Variants in MRPS30 observed in about 807,000 individuals in gnomAD.
MRPS30 encodes mitochondrial ribosomal protein S30, also known as large ribosomal subunit protein mL65.
MRPS30 carries 42 observed loss-of-function variants against 43.8 expected under a neutral mutation model. The observed-to-expected ratio is 0.96, with a 90% confidence interval of 0.75 to 1.24. MRPS30 has a LOEUF of 1.24. Ranked by LOEUF, MRPS30 falls within the 50% of genes most tolerant of loss-of-function variation. The probability of loss-of-function intolerance (pLI) is 0.00; values close to 1 mark genes in which losing one functional copy is unlikely to be tolerated. For synonymous variants in MRPS30, 273 were observed against 228.2 expected, an observed-to-expected ratio of 1.20 and a Z score of -1.77; for missense variants, 638 against 570.0, an observed-to-expected ratio of 1.12 and a Z score of -1.22.
chr5:44,811,077 G>T lies in MRPS30; in HGVS notation c.670G>T (p.Gly224Cys). The T allele has an allele frequency of 6.2e-7, 1 of 1,614,052 alleles. No individual in the cohort carries two copies. The highest frequency in any genetic ancestry group is 1.3e-5 in the African/African-American group (1 of 75,040). ...AATTATTCCTCGTGGTCATCGAAGA[G>T]GTCGAATTGATGACTTGCGATACCA... ...EEIIPRGHRR[G>C]RIDDLRYQID... The change falls in exon 2 of 5, where the codon GGT becomes TGT. Residue 224 changes from glycine to cysteine, a missense_variant. By Grantham distance (159) the Gly-to-Cys change is radical. Coordinates refer to ENST00000507110, the MANE Select transcript of MRPS30 (RefSeq NM_016640.4).
intron 4 of MRPS30, 151 bp from the exon 5 acceptor site, chr5:44,814,762 T>C: frequency 1.5e-6 from 1 of 676,944 alleles, no homozygotes; most frequent in Non-Finnish European, 2.5e-6. Flanking sequence ...AGAATAGAGA[T>C]GATAAGGAAA....
In MRPS30 at chr5:44,813,274, T is replaced by C; in HGVS notation, c.1022T>C (p.Met341Thr). Residue 341 changes from methionine (M) to threonine (T), a missense_variant, in exon 4 of 5, where the codon ATG (methionine) becomes ACG (threonine). Met to Thr is a moderately conservative substitution (Grantham distance 81). Coordinates refer to ENST00000507110, the MANE Select transcript of MRPS30 (RefSeq NM_016640.4). ...SLFAWTGAQA[M>T]YQGFWSEADV... ...TTTGCTTGGACTGGAGCACAAGCTA[T>C]GTATCAAGGTAAAAATTAATTTTAT... The C allele has an allele frequency of 6.3e-7, 1 of 1,577,610 alleles. No homozygotes were observed. The highest frequency in any genetic ancestry group is 8.6e-7 in the Non-Finnish European group (1 of 1,166,364).
At position 44,811,131 on chromosome 5, in the gene MRPS30, C is replaced by T. The variant is rs201364888; in HGVS notation, c.724C>T (p.Arg242Ter). ...AGATGATAAACCAAACAACCAGATT[C>T]GAATATCCAAGCAACTCGCAGAGGT... Reference protein sequence around the residue: ...QIDDKPNNQIRISKQLAEFVP... With the variant: ...QIDDKPNNQI Residue 242 changes from arginine (R) to a stop codon, truncating the protein, a stop_gained, in exon 2 of 5, where the codon CGA becomes TGA. Transcript: ENST00000507110. LOFTEE classifies it high-confidence loss of function. 1.3e-5 allele frequency: 21 copies of T among 1,613,698 alleles called. No homozygotes were observed. The highest frequency in any genetic ancestry group is 1.6e-5 in the Non-Finnish European group (19 of 1,179,904).
rs1742903052 is a variant in MRPS30, at chr5:44,815,310, A to G, written c.*108A>G. The G allele has an allele frequency of 5.9e-6, 6 of 1,009,424 alleles. No homozygotes were observed. The highest frequency in any genetic ancestry group is 3.3e-4 in the Middle Eastern group (1 of 3,052). The allele number at this position is 1,009,424 out of a possible 1,614,324, so 62.5% of individuals were successfully genotyped here. On this transcript the variant is annotated 3_prime_UTR_variant, in exon 5 of 5. Transcript: ENST00000507110. ...ATTAAATACATTGATTTTTGAGACAAATATTTCTTATGTCAACCTGTTATT... is the reference window on the plus strand; with the variant it reads ...ATTAAATACATTGATTTTTGAGACAGATATTTCTTATGTCAACCTGTTATT...
intron 3 of MRPS30, 52 bp from the exon 4 acceptor site, chr5:44,813,054 C>A (rs1385063920): frequency 6.4e-7 from 1 of 1,558,420 alleles, no homozygotes; most frequent in Admixed American, 1.9e-5. Flanking sequence ...ACATGTGCTC[C>A]ACATGTTCTA....
rs1281171730 is a variant in MRPS30 at position 44,809,449 on chromosome 5, G to A, written c.487G>A (p.Val163Met). Residue 163 changes from valine to methionine, a missense_variant, in exon 1 of 5, where the codon GTG (valine) becomes ATG (methionine). Transcript: ENST00000507110. ...EHFYLRRRRR[V>M]HRYEESEVIS... ...CTTCTACCTGCGGCGCAGGCGGCGC[G>A]TGCACCGTTACGAGGAGAGCGAGGT... is the stretch of plus-strand genomic sequence containing the variant. 2 of 1,613,844 alleles carry A rather than the reference G, an allele frequency of 1.2e-6. No homozygotes were observed. Among genetic ancestry groups the A allele is most frequent in the South Asian group, 2.2e-5 (2 of 91,082 alleles).
chr5:44,809,017 C>T lies in MRPS30; in HGVS notation c.55C>T (p.His19Tyr). 6.2e-7 allele frequency: 1 copy of T among 1,609,716 alleles called. No homozygotes were observed. Among genetic ancestry groups the T allele is most frequent in the Non-Finnish European group, 8.5e-7 (1 of 1,178,672 alleles). Reference protein sequence around the residue: ...PLLRGPRLSLHTAANAAATAT... With the variant: ...PLLRGPRLSLYTAANAAATAT... ...GCTACGCGGTCCGAGGCTTTCATTG[C>T]ACACCGCGGCTAATGCCGCCGCCAC... Residue 19 changes from histidine to tyrosine, a missense_variant, in exon 1 of 5, where the codon CAC (histidine) becomes TAC (tyrosine). His to Tyr is a moderately conservative substitution (Grantham distance 83). Transcript: ENST00000507110.
chr5:44,810,630 C>T (rs1317696803), intron 1 of MRPS30, among the ~76,000 whole-genome samples: 2 of 152,048 alleles, frequency 1.3e-5, no homozygotes, highest in East Asian at 3.9e-4. Flanking sequence ...TTGTCAAGAC[C>T]CAGGTTCTTC....
intron 4 of MRPS30, among the ~76,000 whole-genome samples, chr5:44,813,869 A>G (rs113034647): frequency 0.019 from 2,861 of 152,286 alleles, 99 homozygotes; most frequent in African/African-American, 0.065. Flanking sequence ...AAAATACTTT[A>G]GCCTAAAGAG....
rs35601455 is a variant in MRPS30, at chr5:44,809,267, C to T, written c.305C>T (p.Ala102Val). Residue 102 changes from alanine (A) to valine (V), a missense_variant, in exon 1 of 5, where the codon GCC becomes GTC. Transcript: ENST00000507110. Reference protein sequence around the residue: ...MVYPQTFALNADRWYQYFTKT... With the variant: ...MVYPQTFALNVDRWYQYFTKT... ...TACCCGCAGACCTTCGCGCTGAATG[C>T]CGACCGCTGGTACCAGTACTTCACC... is the stretch of plus-strand genomic sequence containing the variant. The T allele has an allele frequency of 0.012, 18,619 of 1,613,376 alleles. 150 individuals are homozygous for T. Among genetic ancestry groups the T allele is most frequent in the South Asian group, 0.014 (1,247 of 91,054 alleles).
At chr5:44,809,626 C>A in intron 1 of MRPS30, 63 bp downstream of exon 1, 1 of 1,443,180 alleles carries the variant, frequency 6.9e-7, no homozygotes, top group Non-Finnish European at 9.4e-7. Flanking sequence ...GGTTACTCTG[C>A]CGCAGATTTA....
intron 3 of MRPS30, among the ~76,000 whole-genome samples, chr5:44,812,389 T>C (rs1742858342): frequency 6.6e-6 from 1 of 152,186 alleles, no homozygotes; most frequent in Non-Finnish European, 1.5e-5. Context: ...GGTGGTAAGA[T>C]AAGGAATTCA....
In MRPS30 at chr5:44,811,907, T is replaced by A. The variant is rs1742845418; in HGVS notation, c.748-8T>A. On this transcript the variant is annotated splice_region_variant and splice_polypyrimidine_tract_variant and intron_variant, in intron 2 of 4. Coordinates refer to ENST00000507110, the MANE Select transcript of MRPS30 (RefSeq NM_016640.4). ...GTGAATTTAGTATGTCTTTTCTTTT[T>A]CTTTAAGTTTGTGCCATTGGATTAT... 1 of 1,485,544 alleles carries A rather than the reference T, an allele frequency of 6.7e-7. No homozygotes were observed. Among genetic ancestry groups the A allele is most frequent in the African/African-American group, 1.4e-5 (1 of 69,582 alleles). The allele number at this position is 1,485,544 out of a possible 1,614,324, so 92.0% of individuals were successfully genotyped here. A position where few individuals can be genotyped will look rare whatever the true frequency, so the allele number is the denominator to read the frequency against.
Position 44,814,807 on chromosome 5 carries a change from A to G in MRPS30, c.1031-106A>G, listed in dbSNP as rs375243025. On this transcript the variant is annotated intron_variant, in intron 4 of 4. Coordinates refer to ENST00000507110, the MANE Select transcript of MRPS30 (RefSeq NM_016640.4). ...CTTCAGGGATTTTGTTACATAAAGT[A>G]TCTAAGTTGTAGGAGGTATTTGATA... The G allele has an allele frequency of 1.9e-5, 19 of 1,003,532 alleles. No individual in the cohort carries two copies. In the East Asian group the frequency reaches 3.9e-4, roughly 20 times the overall value. The allele number at this position is 1,003,532 out of a possible 1,614,324, so 62.2% of individuals were successfully genotyped here.
chr5:44,809,747 G>C lies in MRPS30; in HGVS notation c.601+184G>C, dbSNP rs1209312484. 5 of 643,092 alleles carry C rather than the reference G, an allele frequency of 7.8e-6. No individual in the cohort carries two copies. In the East Asian group the frequency reaches 1.4e-4, roughly 18 times the overall value. 39.8% of individuals were successfully genotyped at this position (643,092 alleles called of 1,614,324 possible). On this transcript the variant is annotated intron_variant, in intron 1 of 4. Coordinates refer to ENST00000507110, the MANE Select transcript of MRPS30 (RefSeq NM_016640.4). ...CACTGCGTTAGGAATCTAGAGACTAGGTGTGTGTGGCTGCGCTAACACCTA... is the reference window on the plus strand; with the variant it reads ...CACTGCGTTAGGAATCTAGAGACTACGTGTGTGTGGCTGCGCTAACACCTA...
At chr5:44,814,880 A>T (rs756304807) in intron 4 of MRPS30, 33 bp from the exon 5 acceptor site, 3 of 1,555,092 alleles carry the variant, frequency 1.9e-6, no homozygotes, top group Non-Finnish European at 2.6e-6. Flanking sequence ...GATATATTCT[A>T]TGTGTAAATT....
rs1561265690 is a variant in MRPS30, at chr5:44,812,028, T to G, written c.853+8T>G. 1.3e-6 allele frequency: 2 copies of G among 1,552,900 alleles called. No individual in the cohort carries two copies. Among genetic ancestry groups the G allele is most frequent in the East Asian group, 4.6e-5 (2 of 43,936 alleles). On this transcript the variant is annotated splice_region_variant and intron_variant, in intron 3 of 4. Transcript: ENST00000507110. ...AAAACCACATATTTGTTGGTAAGTT[T>G]CTCTTTTGACATATTGTACCATAAA...
At chr5:44,810,722 C>T (rs1422637320) in intron 1 of MRPS30, among the ~76,000 whole-genome samples, 1 of 151,946 alleles carries the variant, frequency 6.6e-6, no homozygotes, top group Admixed American at 6.6e-5. Flanking sequence ...ATAAAATAGC[C>T]CTATTTTTAT....
chr5:44,813,033 C>A lies in MRPS30; in HGVS notation c.854-73C>A, dbSNP rs923722245. On this transcript the variant is annotated intron_variant, in intron 3 of 4. Transcript: ENST00000507110. Reference sequence around the variant, plus strand: ...TGTATAAAGAAGGAAAAAAAAGGCTCAAATACTAAAACATGTGCTCCACAT... The same window carrying A: ...TGTATAAAGAAGGAAAAAAAAGGCTAAAATACTAAAACATGTGCTCCACAT... 4 of 1,473,044 alleles carry A rather than the reference C, an allele frequency of 2.7e-6. No homozygotes were observed. The South Asian group carries it at 5.0e-5, about 19-fold the overall frequency. The allele number at this position is 1,473,044 out of a possible 1,614,324, so 91.2% of individuals were successfully genotyped here.
Sources: allele counts gnomAD v4.1 joint callset (sites outside exome capture counted in the v4.1 genomes callset), GRCh38; gene constraint gnomAD v4.1.1; transcripts MANE v1.5; gene names NCBI Gene and HGNC (gene_info 2026-07-23, HGNC 2026-07-21).